The following CSMD1 variants were observed in gnomAD, a reference collection of about 807,000 sequenced individuals.
The protein encoded by CSMD1 is CUB and Sushi multiple domains 1, also known as CUB and sushi domain-containing protein 1.
In CSMD1, 213 loss-of-function variants were observed where a neutral mutation model predicts 417.5. That is an observed-to-expected ratio of 0.51 (90% CI 0.46 to 0.57). CSMD1 has a LOEUF of 0.57. CSMD1 is among the 20% of genes least tolerant of loss of function. CSMD1 has a pLI of 0.00. For synonymous variants in CSMD1, 2,862 were observed against 1,736.8 expected (o/e 1.65, Z -16.11); for missense variants, 6,923 against 4,529.7 (o/e 1.53, Z -15.17).
chr8:3,150,308 G>A (rs751944266), intron 40 of CSMD1, among the ~76,000 whole-genome samples: 1 of 152,184 alleles, frequency 6.6e-6, no homozygotes. Context: ...GGACTCCCCA[G>A]GCCGTCCCCA....
intron 23 of CSMD1, among the ~76,000 whole-genome samples, chr8:3,317,615 G>T (rs1302889681): frequency 6.6e-6 from 1 of 152,178 alleles, no homozygotes; most frequent in Non-Finnish European, 1.5e-5. Flanking sequence ...AGGAACTTCT[G>T]TGTGATTGTG....
intron 10 of CSMD1, among the ~76,000 whole-genome samples, chr8:3,551,267 G>C (rs1489463097): frequency 6.6e-6 from 1 of 152,044 alleles, no homozygotes; most frequent in East Asian, 1.9e-4. Context: ...ATATCTTGTG[G>C]CATATTTTCT....
chr8:3,953,249 TAAG>T (rs1272707281), intron 5 of CSMD1, among the ~76,000 whole-genome samples: 1 of 152,148 alleles, frequency 6.6e-6, no homozygotes, highest in East Asian at 1.9e-4. Flanking sequence ...ATATAGGAGT[TAAG>T]GAGAAGTTTT....
chr8:2,938,687 T>C lies in CSMD1; in HGVS notation c.10593A>G (p.Gln3531=). The C allele has an allele frequency of 6.2e-7, 1 of 1,611,980 alleles. No homozygotes were observed. The highest frequency in any genetic ancestry group is 8.5e-7 in the Non-Finnish European group (1 of 1,178,944). The part of the protein sequence containing the change: ...GYAGHENSNG[Q]ASFENPMYDT... ...CATACATGGGGTTTTCAAACGATGC[T>C]TGTCCATTGCTGTTTTCATGCCCAG... The change falls in exon 70 of 70, where the codon CAA becomes CAG. Residue 3531 remains glutamine, a synonymous_variant. Transcript: ENST00000635120.
At chr8:3,390,899 G>C (rs536853258) in intron 17 of CSMD1, among the ~76,000 whole-genome samples, 1 of 151,986 alleles carries the variant, frequency 6.6e-6, no homozygotes, top group African/African-American at 2.4e-5. Context: ...CACAGCCTCC[G>C]AGAGGTTTCA....
chr8:4,256,779 G>C (rs541067530), intron 3 of CSMD1, among the ~76,000 whole-genome samples: 11 of 152,304 alleles, frequency 7.2e-5, no homozygotes, highest in African/African-American at 1.4e-4. Context: ...CAAGCAGCTT[G>C]CAACAGGGCC....
rs138439975 is a variant in CSMD1, at chr8:3,412,703, G to A, written c.1562-3098C>T. 9.2e-5 allele frequency among the ~76,000 whole-genome samples: 14 copies of A among 152,310 alleles called. No individual in the cohort carries two copies. The East Asian group carries it at 1.7e-3, about 19-fold the overall frequency. ...AGAGTCAGCTCTACGAAAGCAAAAT[G>A]TTCCTAATGCAACACAAGCCAAATA... On this transcript the variant is annotated intron_variant, in intron 12 of 69. Transcript: ENST00000635120.
At chr8:4,545,092 G>C (rs759192210) in intron 2 of CSMD1, among the ~76,000 whole-genome samples, 2 of 152,164 alleles carry the variant, frequency 1.3e-5, no homozygotes, top group Admixed American at 6.5e-5. Flanking sequence ...TATATAAAAG[G>C]CATGTTAAGA....
At chr8:3,361,667 A>C (rs1165099682) in intron 20 of CSMD1, among the ~76,000 whole-genome samples, 3 of 150,372 alleles carry the variant, frequency 2.0e-5, no homozygotes, top group Non-Finnish European at 3.0e-5. Context: ...AAAAAAAAAA[A>C]AAAAACAAAC....
intron 1 of CSMD1, among the ~76,000 whole-genome samples, chr8:4,669,463 C>T (rs982552224): frequency 6.6e-6 from 1 of 152,158 alleles, no homozygotes; most frequent in Admixed American, 6.5e-5. Flanking sequence ...CTACTTGGAA[C>T]TCAGGATGTG....
intron 3 of CSMD1, among the ~76,000 whole-genome samples, chr8:4,203,025 T>G (rs959694638): frequency 6.6e-6 from 1 of 152,194 alleles, no homozygotes; most frequent in Non-Finnish European, 1.5e-5. Context: ...CTATGTTTCC[T>G]TACCTGCTGA....
chr8:3,764,148 T>C (rs1274899045), intron 5 of CSMD1, among the ~76,000 whole-genome samples: 1 of 152,134 alleles, frequency 6.6e-6, no homozygotes, highest in Non-Finnish European at 1.5e-5. Flanking sequence ...TGCACAGCAC[T>C]CTCTCACTCC....
At chr8:4,080,396 T>G (rs1800068495) in intron 3 of CSMD1, among the ~76,000 whole-genome samples, 1 of 152,176 alleles carries the variant, frequency 6.6e-6, no homozygotes, top group Non-Finnish European at 1.5e-5. Context: ...CATATTGAAT[T>G]TCCAAAATGT....
chr8:4,291,232 G>C lies in CSMD1; in HGVS notation c.415+128721C>G, dbSNP rs112534592. ...TTAAAAACAAAAATAATATGCTTAT[G>C]ATATGTGCAAATATTAAGTAATAAA... On this transcript the variant is annotated intron_variant, in intron 3 of 69. Coordinates refer to ENST00000635120, the MANE Select transcript of CSMD1 (RefSeq NM_033225.6). Among the ~76,000 whole-genome samples, 186 of 149,628 alleles carry C rather than the reference G, an allele frequency of 1.2e-3. 1 individual carries two copies. The highest frequency in any genetic ancestry group is 4.6e-3 in the African/African-American group (178 of 39,116).
chr8:3,637,006 C>T (rs1265455557), intron 7 of CSMD1, among the ~76,000 whole-genome samples: 2 of 152,064 alleles, frequency 1.3e-5, no homozygotes, highest in Non-Finnish European at 2.9e-5. Context: ...GCTTGTTGCC[C>T]ATCTGCCTTC....
chr8:3,661,776 C>A (rs1398061836), intron 7 of CSMD1, among the ~76,000 whole-genome samples: 1 of 151,974 alleles, frequency 6.6e-6, no homozygotes, highest in African/African-American at 2.4e-5. Context: ...GGGTGACAGG[C>A]CTGAGCCACC....
chr8:3,260,760 C>A (rs941821477), intron 26 of CSMD1, among the ~76,000 whole-genome samples: 2 of 152,134 alleles, frequency 1.3e-5, no homozygotes, highest in Non-Finnish European at 2.9e-5. Context: ...GACTTGACAA[C>A]AGAAGCACAA....
intron 5 of CSMD1, among the ~76,000 whole-genome samples, chr8:3,779,464 T>C (rs1427840153): frequency 6.6e-6 from 1 of 152,152 alleles, no homozygotes; most frequent in Non-Finnish European, 1.5e-5. Context: ...ATTTTAGACA[T>C]CTTAAAACAA....
intron 40 of CSMD1, among the ~76,000 whole-genome samples, chr8:3,145,207 AAAC>A (rs1478919984): frequency 2.6e-5 from 4 of 152,156 alleles, no homozygotes; most frequent in African/African-American, 9.7e-5. Context: ...GAGTAACAAA[AAAC>A]AACCTGCTGA....
Sources: gnomAD v4.1 joint callset for allele counts (sites outside exome capture counted in the v4.1 genomes callset) on GRCh38, gnomAD v4.1.1 for gene constraint, MANE v1.5 for transcripts, NCBI Gene and HGNC (gene_info 2026-07-23, HGNC 2026-07-21) for gene names.